The following ISYNA1 variants were observed in gnomAD, a reference collection of about 807,000 sequenced individuals.
ISYNA1 encodes MI-1-P synthase.
In ISYNA1, 34 loss-of-function variants were observed where a neutral mutation model predicts 50.3. The observed-to-expected ratio is 0.68, with a 90% confidence interval of 0.51 to 0.90. The LOEUF (loss-of-function observed/expected upper bound fraction) is 0.90, where lower values mean the gene tolerates loss of function less well. Ranked by LOEUF, ISYNA1 falls within the 40% of genes least tolerant of loss-of-function variation. The pLI, the probability that ISYNA1 is intolerant of heterozygous loss-of-function variation, is 0.00. For missense variants in ISYNA1, 718 were observed against 784.8 expected (o/e 0.91, Z 1.02); for synonymous variants, 396 against 349.9 (o/e 1.13, Z -1.47).
Position 18,435,777 on chromosome 19 carries a change from C to G in ISYNA1, c.1120G>C (p.Gly374Arg). ...VQSNPVLYTP[G>R]EEPDHCVVIK... ...CGCACGCAGTGGTCAGGCTCTTCGC[C>G]GGGCGTATAGAGCACTGGGTTGCTC... The change falls in exon 8 of 11, where the codon GGC becomes CGC. Residue 374 changes from glycine (G) to arginine (R), a missense_variant. Transcript: ENST00000338128. 1 of 1,613,412 alleles carries G rather than the reference C, an allele frequency of 6.2e-7. No homozygotes were observed. The highest frequency in any genetic ancestry group is 1.3e-5 in the African/African-American group (1 of 75,048).
chr19:18,435,433 C>A lies in ISYNA1; in HGVS notation c.1305G>T (p.Glu435Asp). 1 of 1,610,284 alleles carries A rather than the reference C, an allele frequency of 6.2e-7. No individual in the cohort carries two copies. The change falls in exon 10 of 11, where the codon GAG becomes GAT. Residue 435 changes from glutamate (E) to aspartate (D), a missense_variant. Glu to Asp is a conservative substitution (Grantham distance 45, BLOSUM62 2). Coordinates refer to ENST00000338128, the MANE Select transcript of ISYNA1 (RefSeq NM_016368.5). ...TGCAGAAGCTCACGCGCTGGCACAG[C>A]TCGGTCAGCAGCGCTAGGTCCAGCA... ...PIMLDLALLT[E>D]LCQRVSFCTD...
intron 3 of ISYNA1, 93 bp downstream of exon 3, chr19:18,437,506 G>GGGCCC: frequency 2.6e-6 from 2 of 779,028 alleles, no homozygotes; most frequent in Non-Finnish European, 3.4e-6. Flanking sequence ...AGCCCCCCTG[G>GGGCCC]TCCCGCAGAG....
chr19:18,436,917 G>A, intron 4 of ISYNA1, 40 bp from the exon 5 acceptor site: 1 of 1,598,388 alleles, frequency 6.3e-7, no homozygotes, highest in Non-Finnish European at 8.5e-7. Context: ...CGGATCCTGG[G>A]CCCCTCCAGA....
At position 18,435,418 on chromosome 19, in the gene ISYNA1, C is replaced by T. The variant is rs528085222; in HGVS notation, c.1320G>A (p.Val440=). ...CGGGGTCCATGTCAGTGCAGAAGCTCACGCGCTGGCACAGCTCGGTCAGCA... is the reference window on the plus strand; with the variant it reads ...CGGGGTCCATGTCAGTGCAGAAGCTTACGCGCTGGCACAGCTCGGTCAGCA... ...LALLTELCQR[V]SFCTDMDPEP... Residue 440 remains valine, a synonymous_variant, in exon 10 of 11, where the codon GTG becomes GTA. Transcript: ENST00000338128. 1.2e-6 allele frequency: 2 copies of T among 1,610,828 alleles called. No individual in the cohort carries two copies. The highest frequency in any genetic ancestry group is 1.3e-5 in the African/African-American group (1 of 75,034).
intron 4 of ISYNA1, 42 bp downstream of exon 4, chr19:18,436,931 C>T (rs1443771262): frequency 6.2e-7 from 1 of 1,602,938 alleles, no homozygotes; most frequent in Non-Finnish European, 8.5e-7. Flanking sequence ...CTCCAGACCC[C>T]ATCTCCCATC....
chr19:18,437,871 C>T lies in ISYNA1; in HGVS notation c.109G>A (p.Gly37Ser). Residue 37 changes from glycine to serine, a missense_variant, in exon 2 of 11, where the codon GGC (glycine) becomes AGC (serine). Gly to Ser is a moderately conservative substitution (Grantham distance 56). Coordinates refer to ENST00000338128, the MANE Select transcript of ISYNA1 (RefSeq NM_016368.5). ...YRTTRVSREG[G>S]VLKVHPTSTR... ...GCCCCCTGGTCCACCTTGAGAACGC[C>T]ACCCTCGCGGCTGACGCGCGTCGTC... is the stretch of plus-strand genomic sequence containing the variant. 6.2e-7 allele frequency: 1 copy of T among 1,611,942 alleles called. No individual in the cohort carries two copies. Among genetic ancestry groups the T allele is most frequent in the Non-Finnish European group, 8.5e-7 (1 of 1,179,796 alleles).
rs1480269872 is a variant in ISYNA1 at position 18,437,920 on chromosome 19, G to A, written c.60C>T (p.Ala20=). ...TCCGGTACTCGTATTGCGCCTCGAT[G>A]GCCTCGGGGCCGTAGACCACGTCCG... ...ESPDVVYGPE[A]IEAQYEYRTT... The change falls in exon 2 of 11, where the codon GCC becomes GCT. Residue 20 remains alanine (A), a synonymous_variant. Coordinates refer to ENST00000338128, the MANE Select transcript of ISYNA1 (RefSeq NM_016368.5). 2 of 1,610,948 alleles carry A rather than the reference G, an allele frequency of 1.2e-6. No individual in the cohort carries two copies. Among genetic ancestry groups the A allele is most frequent in the African/African-American group, 1.3e-5 (1 of 74,872 alleles).
At chr19:18,436,522 G>C (rs775730712) in intron 5 of ISYNA1, 43 bp from the exon 6 acceptor site, 7 of 1,601,206 alleles carry the variant, frequency 4.4e-6, no homozygotes, top group Non-Finnish European at 5.9e-6. Context: ...TGGAGAGGGT[G>C]TAGGGAAGTT....
Position 18,437,983 on chromosome 19 carries a change from G to A in ISYNA1, c.-4C>T, listed in dbSNP as rs566905288. 3 of 1,563,938 alleles carry A rather than the reference G, an allele frequency of 1.9e-6. No homozygotes were observed. In the African/African-American group the frequency reaches 4.1e-5, roughly 21 times the overall value. ...AGAACTGGGCGGCGGCCTCCATCGC[G>A]GCGGGCTGGGGGCCCGGGGTGAGCA... On this transcript the variant is annotated 5_prime_UTR_variant, in exon 2 of 11. Coordinates refer to ENST00000338128, the MANE Select transcript of ISYNA1 (RefSeq NM_016368.5).
rs1264792202 is a variant in ISYNA1, at chr19:18,434,796, C to G, written c.*117G>C. The G allele has an allele frequency of 2.3e-6, 2 of 883,850 alleles. No homozygotes were observed. The highest frequency in any genetic ancestry group is 3.3e-5 in the African/African-American group (2 of 60,196). 54.8% of individuals were successfully genotyped at this position (883,850 alleles called of 1,614,324 possible). On this transcript the variant is annotated 3_prime_UTR_variant, in exon 11 of 11. Coordinates refer to ENST00000338128, the MANE Select transcript of ISYNA1 (RefSeq NM_016368.5). ...GGAGGCAGAGTCAGGTCACAGGCCC[C>G]AAGAACCCCAGGTGGAAGGAGGGCT... is the stretch of plus-strand genomic sequence containing the variant.
In ISYNA1 at chr19:18,435,248, C is replaced by T. The variant is rs757449922; in HGVS notation, c.1472+18G>A. On this transcript the variant is annotated intron_variant, in intron 10 of 10. Coordinates refer to ENST00000338128, the MANE Select transcript of ISYNA1 (RefSeq NM_016368.5). ...GGGTATCTGGGCCCCGGGCGGGAAC[C>T]TGGAGGCTGGGGTGCACCTGAGGAT... 2.5e-6 allele frequency: 4 copies of T among 1,601,640 alleles called. No homozygotes were observed. Among genetic ancestry groups the T allele is most frequent in the Admixed American group, 3.3e-5 (2 of 59,858 alleles).
chr19:18,437,387 G>A (rs1242540318), intron 3 of ISYNA1: 2 of 391,220 alleles, frequency 5.1e-6, no homozygotes, highest in African/African-American at 6.7e-5. Context: ...AAGCCCTCCC[G>A]CCCCACAGAG....
chr19:18,434,808 G>C lies in ISYNA1; in HGVS notation c.*105C>G, dbSNP rs1393382852. The C allele has an allele frequency of 3.1e-6, 3 of 973,934 alleles. No individual in the cohort carries two copies. Among genetic ancestry groups the C allele is most frequent in the Non-Finnish European group, 4.8e-6 (3 of 627,350 alleles). 60.3% of individuals were successfully genotyped at this position (973,934 alleles called of 1,614,324 possible). A position where few individuals can be genotyped will look rare whatever the true frequency, so the allele number is the denominator to read the frequency against. On this transcript the variant is annotated 3_prime_UTR_variant, in exon 11 of 11. Transcript: ENST00000338128. ...AGGTCACAGGCCCCAAGAACCCCAG[G>C]TGGAAGGAGGGCTGAGTGGCAGCGC...
At chr19:18,437,437 A>G in intron 3 of ISYNA1, 162 bp downstream of exon 3, 1 of 863,492 alleles carries the variant, frequency 1.2e-6, no homozygotes, top group Non-Finnish European at 1.4e-6. Context: ...ACAGGCCTCC[A>G]GACCCGGGCA....
At position 18,436,966 on chromosome 19, in the gene ISYNA1, C is replaced by T. The variant is rs376309732; in HGVS notation, c.415+7G>A. ...CCCGCCCCACCCCGGCCCAGGGCTCCGCCCACCATCGAACACGAGGTCGTT... is the reference window on the plus strand; with the variant it reads ...CCCGCCCCACCCCGGCCCAGGGCTCTGCCCACCATCGAACACGAGGTCGTT... On this transcript the variant is annotated splice_region_variant and intron_variant, in intron 4 of 10. Transcript: ENST00000338128. 4 of 1,609,366 alleles carry T rather than the reference C, an allele frequency of 2.5e-6. No homozygotes were observed. The highest frequency in any genetic ancestry group is 3.4e-6 in the Non-Finnish European group (4 of 1,178,186).
chr19:18,434,648 A>T lies in ISYNA1; in HGVS notation c.*265T>A. The stretch of plus-strand genomic sequence containing the variant: ...TCCGTCCCCGCCCCCATCTAGCCCC[A>T]CCTTTGAGAACTGGGGGCAGAGCGA... On this transcript the variant is annotated 3_prime_UTR_variant, in exon 11 of 11. Coordinates refer to ENST00000338128, the MANE Select transcript of ISYNA1 (RefSeq NM_016368.5). 1 of 568,482 alleles carries T rather than the reference A, an allele frequency of 1.8e-6. No homozygotes were observed. The highest frequency in any genetic ancestry group is 3.1e-6 in the Non-Finnish European group (1 of 318,544). 35.2% of individuals were successfully genotyped at this position (568,482 alleles called of 1,614,324 possible).
intron 3 of ISYNA1, 44 bp downstream of exon 3, chr19:18,437,555 C>T: frequency 7.4e-7 from 1 of 1,346,410 alleles, no homozygotes; most frequent in Non-Finnish European, 9.6e-7. Flanking sequence ...CCCGCAAGGA[C>T]TCCCACCAAG....
At position 18,434,860 on chromosome 19, in the gene ISYNA1, G is replaced by A; in HGVS notation, c.*53C>T. 1 of 1,488,782 alleles carries A rather than the reference G, an allele frequency of 6.7e-7. No individual in the cohort carries two copies. The highest frequency in any genetic ancestry group is 1.1e-5 in the South Asian group (1 of 88,396). 92.2% of individuals were successfully genotyped at this position (1,488,782 alleles called of 1,614,324 possible). ...TTTATTTGTGGGGGCCTTCAAGGTA[G>A]GGTCGTGGGGGGCAGCGGGGAGGAA... On this transcript the variant is annotated 3_prime_UTR_variant, in exon 11 of 11. Coordinates refer to ENST00000338128, the MANE Select transcript of ISYNA1 (RefSeq NM_016368.5).
Position 18,436,168 on chromosome 19 carries a change from G to A in ISYNA1, c.839C>T (p.Pro280Leu), listed in dbSNP as rs1449977122. ...LEGCAFLNGSPQNTLVPGALE... is the reference protein window; with the variant it reads ...LEGCAFLNGSLQNTLVPGALE... ...AGCTCCGGGCACCAGGGTGTTCTGCGGAGACCCATTGAGGAAGGCACAGCC... is the reference window on the plus strand; with the variant it reads ...AGCTCCGGGCACCAGGGTGTTCTGCAGAGACCCATTGAGGAAGGCACAGCC... The change falls in exon 7 of 11, where the codon CCG (proline) becomes CTG (leucine). Residue 280 changes from proline to leucine, a missense_variant. Pro to Leu is a moderately conservative substitution (Grantham distance 98). Transcript: ENST00000338128. 6 of 1,612,028 alleles carry A rather than the reference G, an allele frequency of 3.7e-6. No homozygotes were observed. The highest frequency in any genetic ancestry group is 5.1e-6 in the Non-Finnish European group (6 of 1,179,996).
Sources: gnomAD v4.1 joint callset for allele counts on GRCh38, gnomAD v4.1.1 for gene constraint, MANE v1.5 for transcripts, NCBI Gene and HGNC (gene_info 2026-07-23, HGNC 2026-07-21) for gene names.